HGD: variants seen among roughly 807,000 people sequenced by gnomAD.
HGD encodes homogentisate oxidase.
A neutral mutation model predicts 60.8 loss-of-function variants in HGD; 61 were observed. The ratio of observed to expected loss-of-function variants is 1.00; its 90% CI spans 0.82 to 1.24. The LOEUF is 1.24. HGD is among the 50% of genes most tolerant of loss of function. HGD has a pLI of 0.00. For synonymous variants in HGD, 212 were observed against 187.7 expected (o/e 1.13, Z -1.06); for missense variants, 542 against 547.1 (o/e 0.99, Z 0.09).
intron 10 of HGD, among the ~76,000 whole-genome samples, chr3:120,643,021 T>A (rs541343559): frequency 2.6e-5 from 4 of 152,338 alleles, no homozygotes; most frequent in African/African-American, 9.6e-5. Flanking sequence ...TCTTTAACAA[T>A]TGTATGTAAA....
In HGD at chr3:120,647,902, G is replaced by A; in HGVS notation, c.444C>T (p.Tyr148=). Residue 148 remains tyrosine (Y), a synonymous_variant, in exon 7 of 14, where the codon TAC becomes TAT. Transcript: ENST00000283871. The part of the protein sequence containing the change: ...CNTSMENRCF[Y]NSDGDFLIVP... ...CAATCAAGAAGTCCCCATCTGAATT[G>A]TAAAAGCATCTGAAACATATAGAGT... 1.2e-6 allele frequency: 2 copies of A among 1,611,108 alleles called. No homozygotes were observed. Among genetic ancestry groups the A allele is most frequent in the Non-Finnish European group, 1.7e-6 (2 of 1,177,176 alleles).
At chr3:120,666,955 T>C (rs189620643) in intron 4 of HGD, among the ~76,000 whole-genome samples, 7 of 152,326 alleles carry the variant, frequency 4.6e-5, no homozygotes, top group Admixed American at 4.6e-4. Flanking sequence ...CACTTAATGA[T>C]GGGAGACGTC....
Position 120,675,855 on chromosome 3 carries a change from A to G in HGD, c.24T>C (p.Ser8=), listed in dbSNP as rs745386219. 6.2e-6 allele frequency: 10 copies of G among 1,613,110 alleles called. No homozygotes were observed. In the African/African-American group the frequency reaches 1.2e-4, roughly 19 times the overall value. ...CTGAAGAACACTCATTCCCAAATCCAGAAATGTACTGTAGGTGACAAAGAC... is the reference window on the plus strand; with the variant it reads ...CTGAAGAACACTCATTCCCAAATCCGGAAATGTACTGTAGGTGACAAAGAC... MAELKYI[S]GFGNECSSED... Residue 8 remains serine (S), a synonymous_variant, in exon 2 of 14, where the codon TCT becomes TCC. Coordinates refer to ENST00000283871, the MANE Select transcript of HGD (RefSeq NM_000187.4).
chr3:120,679,635 G>A (rs1475042848), intron 1 of HGD, among the ~76,000 whole-genome samples: 1 of 152,156 alleles, frequency 6.6e-6, no homozygotes, highest in Non-Finnish European at 1.5e-5. Context: ...TTATAAGAGG[G>A]AGGCAAAGGG....
At chr3:120,669,447 G>GCGCGCACACACA (rs71133515) in intron 4 of HGD, among the ~76,000 whole-genome samples, 3 of 145,728 alleles carry the variant, frequency 2.1e-5, no homozygotes, top group African/African-American at 7.7e-5. Context: ...GTGCGCATGT[G>GCGCGCACACACA]CACACACACA....
At chr3:120,679,878 C>T (rs1172966407) in intron 1 of HGD, among the ~76,000 whole-genome samples, 1 of 152,176 alleles carries the variant, frequency 6.6e-6, no homozygotes, top group Non-Finnish European at 1.5e-5. Flanking sequence ...TTCTGACCTC[C>T]ACAACTTCAA....
chr3:120,646,572 C>A (rs796918189), intron 8 of HGD, among the ~76,000 whole-genome samples: 21 of 151,998 alleles, frequency 1.4e-4, no homozygotes, highest in African/African-American at 4.8e-4. Flanking sequence ...AAACTGAATT[C>A]CTAATCACAC....
In HGD at chr3:120,641,673, A is replaced by C. The variant is rs1350991093; in HGVS notation, c.795T>G (p.Val265=). 1 of 1,613,384 alleles carries C rather than the reference A, an allele frequency of 6.2e-7. No homozygotes were observed. Among genetic ancestry groups the C allele is most frequent in the East Asian group, 2.2e-5 (1 of 44,882 alleles). ...AAKQDVSPFN[V]VAWHGNYTPY... ...GTGTATAATTCCCGTGCCAGGCCAC[A>C]ACATTGAACGGGGAGACATCCTAAA... Residue 265 remains valine (V), a synonymous_variant, in exon 11 of 14, where the codon GTT becomes GTG. Coordinates refer to ENST00000283871, the MANE Select transcript of HGD (RefSeq NM_000187.4).
At chr3:120,673,462 A>G (rs929695866) in intron 3 of HGD, among the ~76,000 whole-genome samples, 2 of 152,108 alleles carry the variant, frequency 1.3e-5, no homozygotes, top group Admixed American at 6.6e-5. Context: ...ATAAATTAGA[A>G]TGGACAGAAT....
In HGD at chr3:120,674,885, C is replaced by A; in HGVS notation, c.176+16G>T. The A allele has an allele frequency of 2.6e-6, 4 of 1,560,738 alleles. No individual in the cohort carries two copies. Among genetic ancestry groups the A allele is most frequent in the South Asian group, 2.2e-5 (2 of 89,928 alleles). On this transcript the variant is annotated intron_variant, in intron 3 of 13. Coordinates refer to ENST00000283871, the MANE Select transcript of HGD (RefSeq NM_000187.4). The stretch of plus-strand genomic sequence containing the variant: ...TACCCACAGTCTGCAGGTCAGAATT[C>A]ATCTAATCCTTGTACCTTCTCTTAT...
chr3:120,643,019 A>G (rs1422099884), intron 10 of HGD, among the ~76,000 whole-genome samples: 1 of 152,236 alleles, frequency 6.6e-6, no homozygotes, highest in East Asian at 1.9e-4. Context: ...GTTCTTTAAC[A>G]ATTGTATGTA....
At position 120,644,444 on chromosome 3, in the gene HGD, C is replaced by G. The variant is rs1941095550; in HGVS notation, c.650-1G>C. The G allele has an allele frequency of 6.2e-7, 1 of 1,613,892 alleles. No homozygotes were observed. The highest frequency in any genetic ancestry group is 1.3e-5 in the African/African-American group (1 of 74,886). On this transcript the variant is annotated splice_acceptor_variant, in intron 9 of 13. Coordinates refer to ENST00000283871, the MANE Select transcript of HGD (RefSeq NM_000187.4). LOFTEE classifies it high-confidence loss of function. ...CGAGGATTGGCCAAGCCATTGGCCC[C>G]TAGAAAACAGTAACCCAAAAGTCTT...
At position 120,650,905 on chromosome 3, in the gene HGD, C is replaced by T. The variant is rs147508464; in HGVS notation, c.343-40G>A. 266 of 1,500,354 alleles carry T rather than the reference C, an allele frequency of 1.8e-4. 5 individuals are homozygous for T. In the South Asian group the frequency reaches 2.4e-3, roughly 13 times the overall value. 92.9% of individuals were successfully genotyped at this position (1,500,354 alleles called of 1,614,324 possible). On this transcript the variant is annotated intron_variant, in intron 5 of 13. Transcript: ENST00000283871. ...CAGAAGAGGGAAAGGTTAATGTGAA[C>T]GGTGCCCAAGAGGCAGCCCTTCCAC...
chr3:120,679,693 A>C (rs1370660969), intron 1 of HGD, among the ~76,000 whole-genome samples: 1 of 152,156 alleles, frequency 6.6e-6, no homozygotes, highest in African/African-American at 2.4e-5. Flanking sequence ...ACAAAAGCAG[A>C]GATACATTTT....
intron 4 of HGD, 121 bp from the exon 5 acceptor site, chr3:120,652,772 T>C (rs1041397245): frequency 7.3e-6 from 5 of 689,622 alleles, no homozygotes; most frequent in African/African-American, 7.1e-5. Context: ...GAGGCTCTAC[T>C]TGTGATTTTG....
intron 12 of HGD, among the ~76,000 whole-genome samples, chr3:120,636,202 C>T (rs1243313882): frequency 6.6e-6 from 1 of 150,684 alleles, no homozygotes. Flanking sequence ...ATCACTTGAG[C>T]CTGGGGGGTG....
At chr3:120,675,064 A>T in intron 2 of HGD, 75 bp from the exon 3 acceptor site, 1 of 976,716 alleles carries the variant, frequency 1.0e-6, no homozygotes, top group Non-Finnish European at 1.7e-6. Flanking sequence ...CCAACTCAGT[A>T]GGGGGATGGG....
rs1491569082 is a variant in HGD, at chr3:120,630,825, T to TATATAC, written c.1189-2297_1189-2296insGTATAT. Among the ~76,000 whole-genome samples, 638 of 104,108 alleles carry TATATAC rather than the reference T, an allele frequency of 6.1e-3. 11 individuals are homozygous for TATATAC. Among genetic ancestry groups the TATATAC allele is most frequent in the South Asian group, 0.016 (54 of 3,322 alleles). 68.3% of individuals were successfully genotyped at this position (104,108 alleles called of 152,430 possible). ...ATATATATATATATATATATATATA[T>TATATAC]ACACATACACACACACATACACACA... On this transcript the variant is annotated intron_variant, in intron 13 of 13. Coordinates refer to ENST00000283871, the MANE Select transcript of HGD (RefSeq NM_000187.4).
intron 13 of HGD, among the ~76,000 whole-genome samples, chr3:120,631,127 G>T (rs1940579943): frequency 6.6e-6 from 1 of 151,686 alleles, no homozygotes; most frequent in Admixed American, 6.6e-5. Context: ...TAACTATTGG[G>T]TACTGTTTAG....
Sources: gnomAD v4.1 joint callset for allele counts (sites outside exome capture counted in the v4.1 genomes callset) on GRCh38, gnomAD v4.1.1 for gene constraint, MANE v1.5 for transcripts, NCBI Gene and HGNC (gene_info 2026-07-23, HGNC 2026-07-21) for gene names.